The following ADCY7 variants were observed in gnomAD, a reference collection of about 807,000 sequenced individuals.
The protein encoded by ADCY7 is adenylate cyclase type 7.
ADCY7 carries 72 observed loss-of-function variants against 120.6 expected under a neutral mutation model. The observed-to-expected ratio is 0.60, with a 90% CI of 0.49 to 0.73. The LOEUF (loss-of-function observed/expected upper bound fraction) is 0.73. Among genes scored for constraint, ADCY7 ranks in the 30% least tolerant of loss-of-function variants. The probability of loss-of-function intolerance (pLI) is 0.00; values close to 1 mark genes in which losing one functional copy is unlikely to be tolerated. For missense variants in ADCY7, 1,227 were observed against 1,486.0 expected (o/e 0.83, Z 2.87); for synonymous variants, 661 against 628.0 (o/e 1.05, Z -0.78).
rs752463733 is a variant in ADCY7, at chr16:50,292,585, G to T, written c.538-91G>T. On this transcript the variant is annotated intron_variant, in intron 4 of 25. Transcript: ENST00000673801. Reference sequence around the variant, plus strand: ...TGGGTTGAAGGTCAGGGAATGGGAAGAGGTGCCATCACTAGTCCGCCTAGG... The same window carrying T: ...TGGGTTGAAGGTCAGGGAATGGGAATAGGTGCCATCACTAGTCCGCCTAGG... The T allele has an allele frequency of 1.2e-5, 18 of 1,483,480 alleles. 1 individual carries two copies. In the South Asian group the frequency reaches 2.2e-4, roughly 18 times the overall value. The allele number at this position is 1,483,480 out of a possible 1,614,324, so 91.9% of individuals were successfully genotyped here.
intron 14 of ADCY7, 133 bp downstream of exon 14, chr16:50,305,982 G>A (rs2036039573): frequency 3.5e-6 from 3 of 856,470 alleles, no homozygotes; most frequent in Non-Finnish European, 5.7e-6. Flanking sequence ...ATCCACAGCT[G>A]CTCCTGGGCG....
chr16:50,314,238 C>T, intron 23 of ADCY7, 54 bp from the exon 24 acceptor site: 1 of 1,565,134 alleles, frequency 6.4e-7, no homozygotes, highest in Non-Finnish European at 8.8e-7. Flanking sequence ...CCAGGGCCCA[C>T]TAGGTCTGGG....
intron 1 of ADCY7, among the ~76,000 whole-genome samples, chr16:50,285,537 G>A (rs915155088): frequency 3.3e-5 from 5 of 152,146 alleles, no homozygotes; most frequent in Non-Finnish European, 4.4e-5. Context: ...TCTTCCCTCC[G>A]CTGGACCAGC....
upstream of ADCY7, among the ~76,000 whole-genome samples, chr16:50,245,425 G>A (rs1204084045): frequency 6.6e-6 from 1 of 152,136 alleles, no homozygotes; most frequent in African/African-American, 2.4e-5. Context: ...TTACTCCTGC[G>A]GACGACCTCC....
chr16:50,303,824 G>A (rs1375607147), intron 10 of ADCY7, among the ~76,000 whole-genome samples: 4 of 152,244 alleles, frequency 2.6e-5, no homozygotes, highest in Admixed American at 6.5e-5. Flanking sequence ...GCCATTTCTC[G>A]GGGCGGCTAG....
chr16:50,269,976 C>G (rs2033452874), intron 1 of ADCY7, among the ~76,000 whole-genome samples: 1 of 152,134 alleles, frequency 6.6e-6, no homozygotes, highest in Admixed American at 6.6e-5. Flanking sequence ...ATCACTTGAG[C>G]TCAAGAGTTT....
In ADCY7 at chr16:50,312,067, GGAA is replaced by G. The variant is rs769479273; in HGVS notation, c.2488_2490del (p.Lys830del). ...TATTACTGCCGCTTGGACTGCCTATGGAAGAAGAAGTTCAAGAAGGAGCACGAG... is the reference window on the plus strand; with the variant it reads ...TATTACTGCCGCTTGGACTGCCTATGGAAGAAGTTCAAGAAGGAGCACGAG... On this transcript the variant is annotated inframe_deletion, in exon 21 of 26. Transcript: ENST00000673801. 9.9e-6 allele frequency: 16 copies of G among 1,614,048 alleles called. No homozygotes were observed. Among genetic ancestry groups the G allele is most frequent in the African/African-American group, 2.7e-5 (2 of 74,930 alleles).
intron 1 of ADCY7, among the ~76,000 whole-genome samples, chr16:50,274,497 C>T (rs993641402): frequency 6.6e-6 from 1 of 152,084 alleles, no homozygotes; most frequent in Non-Finnish European, 1.5e-5. Context: ...CTCTTCCGGG[C>T]TCTTGGCGCG....
intron 1 of ADCY7, among the ~76,000 whole-genome samples, chr16:50,260,112 C>G (rs1386735802): frequency 6.6e-6 from 1 of 152,238 alleles, no homozygotes; most frequent in Non-Finnish European, 1.5e-5. Flanking sequence ...CAGCCCTGCT[C>G]TGTCCTCCCA....
chr16:50,252,293 C>T (rs2032781308), intron 1 of ADCY7, among the ~76,000 whole-genome samples: 3 of 152,188 alleles, frequency 2.0e-5, no homozygotes, highest in African/African-American at 7.2e-5. Flanking sequence ...GCTCTGCACA[C>T]ATGATTGACA....
Position 50,292,787 on chromosome 16 carries a change from C to T in ADCY7, c.649C>T (p.Gln217Ter), listed in dbSNP as rs1468475588. Residue 217 changes from glutamine (Q) to a stop codon, truncating the protein, a stop_gained, in exon 5 of 26, where the codon CAG becomes TAG. Transcript: ENST00000673801. LOFTEE classifies it high-confidence loss of function. Reference sequence around the variant, plus strand: ...CTTCACCTACACTGTGAAGTGCATCCAGATCCGCCGGAAGCTGCGCATCGA... The same window carrying T: ...CTTCACCTACACTGTGAAGTGCATCTAGATCCGCCGGAAGCTGCGCATCGA... Reference protein sequence around the residue: ...DLFTYTVKCIQIRRKLRIEKR... With the variant: ...DLFTYTVKCI 45 of 1,613,736 alleles carry T rather than the reference C, an allele frequency of 2.8e-5. No individual in the cohort carries two copies. The highest frequency in any genetic ancestry group is 3.6e-5 in the Non-Finnish European group (42 of 1,179,994).
At chr16:50,290,096 G>A (rs2034843567) in intron 2 of ADCY7, among the ~76,000 whole-genome samples, 1 of 152,224 alleles carries the variant, frequency 6.6e-6, no homozygotes, top group South Asian at 2.1e-4. Context: ...TCTTTGGGCG[G>A]CTTTACAAGG....
chr16:50,290,792 T>C (rs1448290265), intron 3 of ADCY7, 132 bp downstream of exon 3: 3 of 957,572 alleles, frequency 3.1e-6, no homozygotes, highest in South Asian at 1.7e-5. Context: ...GCTGGTTTTG[T>C]CCCTGTGAGT....
Position 50,310,773 on chromosome 16 carries a change from A to G in ADCY7, c.2247A>G (p.Thr749=). Reference sequence around the variant, plus strand: ...TGGAGCCAAAGGTTGTGCTGCTGACAGTGGCCCTGGTGGCCTACCTGGTGC... The same window carrying G: ...TGGAGCCAAAGGTTGTGCTGCTGACGGTGGCCCTGGTGGCCTACCTGGTGC... ...MSLEPKVVLL[T]VALVAYLVLF... is the part of the protein sequence containing the mutation. The change falls in exon 19 of 26, where the codon ACA becomes ACG. Residue 749 remains threonine (T), a synonymous_variant. Coordinates refer to ENST00000673801, the MANE Select transcript of ADCY7 (RefSeq NM_001114.5). The G allele has an allele frequency of 6.2e-7, 1 of 1,614,158 alleles. No individual in the cohort carries two copies. Among genetic ancestry groups the G allele is most frequent in the South Asian group, 1.1e-5 (1 of 91,090 alleles).
intron 4 of ADCY7, among the ~76,000 whole-genome samples, chr16:50,292,289 C>T (rs2035036703): frequency 6.6e-6 from 1 of 152,232 alleles, no homozygotes; most frequent in Non-Finnish European, 1.5e-5. Flanking sequence ...ATCTTCTGTT[C>T]ATAATTATTG....
At chr16:50,311,864 G>GGGC (rs1224370215) in intron 20 of ADCY7, 78 bp downstream of exon 20, 6 of 1,393,586 alleles carry the variant, frequency 4.3e-6, no homozygotes, top group Non-Finnish European at 4.1e-6. Flanking sequence ...GGGTGGGGTG[G>GGGC]GGTGGGCTCA....
chr16:50,293,088 CA>C (rs1187607063), intron 5 of ADCY7, among the ~76,000 whole-genome samples: 12 of 152,314 alleles, frequency 7.9e-5, no homozygotes, highest in Middle Eastern at 3.4e-3. Context: ...GCTGCTCACC[CA>C]TCAGCTTAGC....
intron 1 of ADCY7, among the ~76,000 whole-genome samples, chr16:50,260,598 C>G (rs1028347794): frequency 7.2e-5 from 11 of 152,228 alleles, no homozygotes; most frequent in Admixed American, 5.2e-4. Context: ...GGAGTTCAGG[C>G]TGAGCTGGGT....
chr16:50,281,585 C>T (rs1170117593), intron 1 of ADCY7, among the ~76,000 whole-genome samples: 24 of 152,310 alleles, frequency 1.6e-4, no homozygotes, highest in South Asian at 4.1e-4. Context: ...GGACCAGCTG[C>T]GGGACACACA....
Sources: allele counts gnomAD v4.1 joint callset (sites outside exome capture counted in the v4.1 genomes callset), GRCh38; gene constraint gnomAD v4.1.1; transcripts MANE v1.5; gene names NCBI Gene and HGNC (gene_info 2026-07-23, HGNC 2026-07-21).